Variants in ITGBL1 observed in about 807,000 individuals in gnomAD.
ITGBL1 encodes the protein integrin beta-like protein 1.
A neutral mutation model predicts 68.5 loss-of-function variants in ITGBL1; 51 were observed. That is an observed-to-expected ratio of 0.74 (90% CI 0.59 to 0.94). The LOEUF is 0.94. Ranked by LOEUF, ITGBL1 falls within the 40% of genes least tolerant of loss-of-function variation. The probability of loss-of-function intolerance (pLI) is 0.00; values close to 1 mark genes in which losing one functional copy is unlikely to be tolerated. For missense variants in ITGBL1, 649 were observed against 647.4 expected (o/e 1.00, Z -0.03); for synonymous variants, 209 against 227.3 (o/e 0.92, Z 0.72).
At chr13:101,534,821 C>G (rs954375359) in intron 2 of ITGBL1, among the ~76,000 whole-genome samples, 1 of 152,132 alleles carries the variant, frequency 6.6e-6, no homozygotes, top group Non-Finnish European at 1.5e-5. Flanking sequence ...TTCCATAAAT[C>G]TGCACATAAG....
intron 7 of ITGBL1, among the ~76,000 whole-genome samples, chr13:101,642,616 T>C (rs964661406): frequency 6.6e-6 from 1 of 152,020 alleles, no homozygotes; most frequent in Non-Finnish European, 1.5e-5. Flanking sequence ...GCTTTTGGTG[T>C]TTTAGACATG....
At chr13:101,596,182 G>A (rs1163886869) in intron 6 of ITGBL1, among the ~76,000 whole-genome samples, 2 of 151,900 alleles carry the variant, frequency 1.3e-5, no homozygotes, top group Non-Finnish European at 2.9e-5. Flanking sequence ...AAATAAGCCA[G>A]ACATAGACAA....
In ITGBL1 at chr13:101,572,471, G is replaced by A. The variant is rs16959071; in HGVS notation, c.464-2953G>A. Among the ~76,000 whole-genome samples, 1,366 of 152,142 alleles carry A rather than the reference G, an allele frequency of 9.0e-3. 20 individuals carry two copies. The highest frequency in any genetic ancestry group is 0.031 in the African/African-American group (1,293 of 41,530). ...TGTACATGTCTGGTCAGTCATCCTA[G>A]AGAGAGTCAGTTCTATTGGGCACTA... On this transcript the variant is annotated intron_variant, in intron 3 of 10. Transcript: ENST00000376180.
intron 7 of ITGBL1, among the ~76,000 whole-genome samples, chr13:101,633,749 C>A (rs1408240668): frequency 6.6e-6 from 1 of 152,090 alleles, no homozygotes; most frequent in African/African-American, 2.4e-5. Context: ...CTCAGTGAGA[C>A]TTTGGGGTTA....
chr13:101,583,577 AC>A (rs1168296326), intron 6 of ITGBL1, among the ~76,000 whole-genome samples: 1 of 152,048 alleles, frequency 6.6e-6, no homozygotes, highest in African/African-American at 2.4e-5. Context: ...GGGGATGGAT[AC>A]CCCATTCTCC....
At chr13:101,512,640 T>A (rs1195124212) in intron 2 of ITGBL1, among the ~76,000 whole-genome samples, 1 of 152,102 alleles carries the variant, frequency 6.6e-6, no homozygotes, top group Non-Finnish European at 1.5e-5. Context: ...CATGGGGTGG[T>A]TGACCTTTTG....
chr13:101,602,632 T>C (rs566895859), intron 7 of ITGBL1, among the ~76,000 whole-genome samples: 1 of 151,938 alleles, frequency 6.6e-6, no homozygotes, highest in Non-Finnish European at 1.5e-5. Flanking sequence ...AGTATTTTGA[T>C]ATATTAACAT....
chr13:101,577,956 A>G (rs2050391575), intron 4 of ITGBL1, among the ~76,000 whole-genome samples: 1 of 152,206 alleles, frequency 6.6e-6, no homozygotes, highest in Non-Finnish European at 1.5e-5. Context: ...TTTTAGGTTA[A>G]CAAGTGATTT....
intron 9 of ITGBL1, chr13:101,713,573 G>A (rs753516860): frequency 2.0e-5 from 3 of 152,150 alleles, no homozygotes; most frequent in East Asian, 3.9e-4. Flanking sequence ...TCCTGCTGTC[G>A]TTGAGGCAGT....
At chr13:101,461,839 C>T (rs2048322378) in intron 2 of ITGBL1, among the ~76,000 whole-genome samples, 1 of 152,174 alleles carries the variant, frequency 6.6e-6, no homozygotes, top group Admixed American at 6.5e-5. Context: ...TCTATTGCTG[C>T]TACAACAAAT....
intron 2 of ITGBL1, among the ~76,000 whole-genome samples, chr13:101,524,467 A>T (rs147962671): frequency 0.014 from 2,115 of 152,066 alleles, 61 homozygotes; most frequent in African/African-American, 0.048. Flanking sequence ...GTAGACTGTG[A>T]AAAAAATGAA....
intron 2 of ITGBL1, among the ~76,000 whole-genome samples, chr13:101,521,551 G>A (rs1025754262): frequency 6.6e-6 from 1 of 152,036 alleles, no homozygotes; most frequent in Non-Finnish European, 1.5e-5. Flanking sequence ...GGAATGAGAA[G>A]GGAGGGTGGG....
chr13:101,513,058 A>C (rs1055258925), intron 2 of ITGBL1, among the ~76,000 whole-genome samples: 1 of 152,058 alleles, frequency 6.6e-6, no homozygotes, highest in Non-Finnish European at 1.5e-5. Flanking sequence ...GGGTCCACCT[A>C]TTTAGGCATT....
intron 2 of ITGBL1, among the ~76,000 whole-genome samples, chr13:101,534,846 A>G (rs1275104900): frequency 6.6e-6 from 1 of 152,130 alleles, no homozygotes; most frequent in Non-Finnish European, 1.5e-5. Flanking sequence ...ATTTTTTTCC[A>G]GCAGTAATTA....
At chr13:101,546,798 A>G (rs1227024517) in intron 2 of ITGBL1, among the ~76,000 whole-genome samples, 2 of 152,052 alleles carry the variant, frequency 1.3e-5, no homozygotes, top group African/African-American at 4.8e-5. Context: ...ATCTGACTCA[A>G]AAAGAGATAG....
intron 7 of ITGBL1, among the ~76,000 whole-genome samples, chr13:101,605,610 GTATA>G (rs536387142): frequency 2.0e-5 from 3 of 150,134 alleles, no homozygotes; most frequent in South Asian, 4.2e-4. Context: ...GTGTATATGC[GTATA>G]TATATACACG....
intron 7 of ITGBL1, among the ~76,000 whole-genome samples, chr13:101,599,977 G>A (rs565107777): frequency 7.5e-4 from 115 of 152,320 alleles, no homozygotes; most frequent in African/African-American, 2.6e-3. Context: ...TGTGAAGAAA[G>A]TCATTGGTAG....
chr13:101,595,697 T>A (rs1057249549), intron 6 of ITGBL1, among the ~76,000 whole-genome samples: 1 of 152,086 alleles, frequency 6.6e-6, no homozygotes, highest in African/African-American at 2.4e-5. Context: ...AGTCAAAAGA[T>A]AGATGTTGGC....
chr13:101,588,947 A>G (rs7989645), intron 6 of ITGBL1, among the ~76,000 whole-genome samples: 2,498 of 152,292 alleles, frequency 0.016, 72 homozygotes, highest in African/African-American at 0.056. Flanking sequence ...TACCTGCCTG[A>G]GAATCTGGTA....
Sources: allele counts gnomAD v4.1 joint callset (sites outside exome capture counted in the v4.1 genomes callset), GRCh38; gene constraint gnomAD v4.1.1; transcripts MANE v1.5; gene names NCBI Gene and HGNC (gene_info 2026-07-23, HGNC 2026-07-21).